Variants in BRD4 observed in about 807,000 individuals in gnomAD.
BRD4 encodes bromodomain-containing protein 4.
In BRD4, 16 loss-of-function variants were observed where a neutral mutation model predicts 142.1. That is an observed-to-expected ratio of 0.11 (90% CI 0.08 to 0.17). The LOEUF is 0.17. Ranked by LOEUF, BRD4 falls within the 10% of genes least tolerant of loss-of-function variation. The probability of loss-of-function intolerance (pLI) is 1.00; values close to 1 mark genes in which losing one functional copy is unlikely to be tolerated. For missense variants in BRD4, 1,424 were observed against 1,810.9 expected (o/e 0.79, Z 3.88); for synonymous variants, 833 against 707.5 (o/e 1.18, Z -2.82).
chr19:15,315,082 T>A (rs143786814), intron 1 of BRD4, among the ~76,000 whole-genome samples: 1 of 152,294 alleles, frequency 6.6e-6, no homozygotes, highest in East Asian at 1.9e-4. Flanking sequence ...TTGTGTACTT[T>A]TCAACTAGCT....
At chr19:15,316,155 CAAA>C (rs980486654) in intron 1 of BRD4, among the ~76,000 whole-genome samples, 14 of 33,058 alleles carry the variant, frequency 4.2e-4, no homozygotes, top group South Asian at 1.9e-3. Context: ...GACACCGTCT[CAAA>C]AAAAAAAAAA....
intron 11 of BRD4, 176 bp from the exon 12 acceptor site, chr19:15,244,938 C>G (rs550335942): frequency 1.7e-6 from 2 of 1,146,440 alleles, no homozygotes; most frequent in South Asian, 3.1e-5. Flanking sequence ...GAGAGACATG[C>G]GAGGCATCAC....
chr19:15,255,629 C>T lies in BRD4; in HGVS notation c.1752-37G>A, dbSNP rs79318894. On this transcript the variant is annotated intron_variant, in intron 9 of 19. Transcript: ENST00000679869. ...CGATGCAGACACCATCAAGAACGGG[C>T]CCCCTGAGGAAGCCAGGCACTCATT... is the stretch of plus-strand genomic sequence containing the variant. 20 of 1,555,820 alleles carry T rather than the reference C, an allele frequency of 1.3e-5. No homozygotes were observed. The African/African-American group carries it at 2.2e-4, about 17-fold the overall frequency.
At chr19:15,293,609 G>A (rs973887495) in intron 1 of BRD4, among the ~76,000 whole-genome samples, 1 of 152,200 alleles carries the variant, frequency 6.6e-6, no homozygotes, top group Non-Finnish European at 1.5e-5. Flanking sequence ...CCAAGCTAGC[G>A]ACCCGGAAGG....
At chr19:15,317,076 G>C (rs2048023702) in intron 1 of BRD4, among the ~76,000 whole-genome samples, 1 of 152,168 alleles carries the variant, frequency 6.6e-6, no homozygotes, top group African/African-American at 2.4e-5. Context: ...GACTCCCACA[G>C]CTTATGCCAC....
Position 15,238,231 on chromosome 19 carries a change from G to A in BRD4, c.*146C>T, listed in dbSNP as rs995194192. On this transcript the variant is annotated 3_prime_UTR_variant, in exon 20 of 20. Coordinates refer to ENST00000679869, the MANE Select transcript of BRD4 (RefSeq NM_001379291.1). This position sits in a 1 kb window ranked among gnomAD's most constrained non-coding sequence, Gnocchi z 7.2. ...CAGGCTCTGCAATCCTCAGCTGCCC[G>A]TCAGGCCTGCCCCGGGCATAGCATG... 3.0e-5 allele frequency: 41 copies of A among 1,361,146 alleles called. No individual in the cohort carries two copies. The East Asian group carries it at 6.5e-4, about 22-fold the overall frequency. The allele number at this position is 1,361,146 out of a possible 1,614,324, so 84.3% of individuals were successfully genotyped here. A position where few individuals can be genotyped will look rare whatever the true frequency, so the allele number is the denominator to read the frequency against.
intron 1 of BRD4, among the ~76,000 whole-genome samples, chr19:15,284,104 G>A (rs2047724115): frequency 6.6e-6 from 1 of 152,164 alleles, no homozygotes; most frequent in South Asian, 2.1e-4. Context: ...TTTCTTCAAT[G>A]ATATTACCCT....
chr19:15,240,147 A>G, intron 14 of BRD4, 125 bp from the exon 15 acceptor site: 6 of 1,382,748 alleles, frequency 4.3e-6, no homozygotes, highest in Non-Finnish European at 4.8e-6. Flanking sequence ...CCCTGGGACA[A>G]GGGTCCATTA....
At chr19:15,277,597 C>T (rs2047661016) in intron 1 of BRD4, among the ~76,000 whole-genome samples, 2 of 136,992 alleles carry the variant, frequency 1.5e-5, no homozygotes. Context: ...GCCTGGCCAA[C>T]ACAGTGCAAC....
intron 1 of BRD4, among the ~76,000 whole-genome samples, chr19:15,331,279 T>C (rs1471202499): frequency 6.6e-6 from 1 of 152,156 alleles, no homozygotes; most frequent in Non-Finnish European, 1.5e-5. Flanking sequence ...GAGTGGGGTT[T>C]CCCATCTTCA....
At position 15,256,160 on chromosome 19, in the gene BRD4, T is replaced by C. The variant is rs2047406591; in HGVS notation, c.1655A>G (p.Lys552Arg). 1 of 1,612,316 alleles carries C rather than the reference T, an allele frequency of 6.2e-7. No homozygotes were observed. The highest frequency in any genetic ancestry group is 1.3e-5 in the African/African-American group (1 of 74,846). ...ATTCTCTTCCACTTCCTCTTTCCTT[T>C]TGTGCTTTTCTTTTTTCTTTTCCTT... Reference protein sequence around the residue: ...DKKEKKKEKHKRKEEVEENKK... With the variant: ...DKKEKKKEKHRRKEEVEENKK... Residue 552 changes from lysine (K) to arginine (R), a missense_variant, in exon 9 of 20, where the codon AAA (lysine) becomes AGA (arginine). Physicochemically the swap from Lys to Arg is conservative, Grantham distance 26. Coordinates refer to ENST00000679869, the MANE Select transcript of BRD4 (RefSeq NM_001379291.1).
At chr19:15,286,830 C>T (rs576772756) in intron 1 of BRD4, among the ~76,000 whole-genome samples, 12 of 152,284 alleles carry the variant, frequency 7.9e-5, no homozygotes, top group East Asian at 5.8e-4. Context: ...TTCATTTCCT[C>T]GGTAGCACTA....
intron 1 of BRD4, among the ~76,000 whole-genome samples, chr19:15,276,264 G>A (rs1218099232): frequency 6.6e-6 from 1 of 152,204 alleles, no homozygotes; most frequent in Non-Finnish European, 1.5e-5. Context: ...AAGAAAGAGA[G>A]GTACAGTGAG....
In BRD4 at chr19:15,237,323, T is replaced by C; in HGVS notation, c.*1054A>G. On this transcript the variant is annotated 3_prime_UTR_variant, in exon 20 of 20. Transcript: ENST00000679869. ...ATAATTAAAAATAGACTAATAAAGT[T>C]TGAAACTGAGTAAAATATAGGCAGG... 2 of 218,510 alleles carry C rather than the reference T, an allele frequency of 9.2e-6. No individual in the cohort carries two copies. The highest frequency in any genetic ancestry group is 1.8e-5 in the Non-Finnish European group (2 of 110,084). The allele number at this position is 218,510 out of a possible 1,614,324, so 13.5% of individuals were successfully genotyped here. A position where few individuals can be genotyped will look rare whatever the true frequency, so the allele number is the denominator to read the frequency against.
chr19:15,255,137 A>G (rs143697325), intron 10 of BRD4, among the ~76,000 whole-genome samples, 160 bp downstream of exon 10: 62 of 149,958 alleles, frequency 4.1e-4, no homozygotes, highest in Non-Finnish European at 6.8e-4. Context: ...GGTGAGTGCA[A>G]TGTCACAACC....
At chr19:15,256,868 G>C (rs932616848) in intron 8 of BRD4, 96 bp downstream of exon 8, 2 of 1,134,026 alleles carry the variant, frequency 1.8e-6, no homozygotes, top group African/African-American at 3.1e-5. Flanking sequence ...GCTCCCTTGG[G>C]AACTCAGAAC....
Position 15,239,928 on chromosome 19 carries a change from G to C in BRD4, c.3264C>G (p.Asn1088Lys). 1 of 1,614,108 alleles carries C rather than the reference G, an allele frequency of 6.2e-7. No individual in the cohort carries two copies. Among genetic ancestry groups the C allele is most frequent in the Non-Finnish European group, 8.5e-7 (1 of 1,180,026 alleles). The change falls in exon 15 of 20, where the codon AAC (asparagine) becomes AAG (lysine). Residue 1088 changes from asparagine to lysine, a missense_variant. This residue lies in a region of BRD4 where 598 missense variants were observed against 647.8 expected (regional missense o/e 0.92). Transcript: ENST00000679869. This position sits in a 1 kb window ranked among gnomAD's most constrained non-coding sequence, Gnocchi z 7.4. ...SLTHQSPPQQ[N>K]VQPKKQELRA... is the part of the protein sequence containing the mutation. Reference sequence around the variant, plus strand: ...CAGTTACCTGTTTCTTAGGCTGGACGTTTTGCTGGGGTGGAGACTGGTGGG... The same window carrying C: ...CAGTTACCTGTTTCTTAGGCTGGACCTTTTGCTGGGGTGGAGACTGGTGGG...
chr19:15,302,897 A>C (rs2047882738), intron 1 of BRD4, among the ~76,000 whole-genome samples: 1 of 150,286 alleles, frequency 6.7e-6, no homozygotes, highest in South Asian at 2.1e-4. Context: ...AGTCCCAGCT[A>C]CTTGAGAGGC....
intron 1 of BRD4, among the ~76,000 whole-genome samples, chr19:15,279,980 TAGC>T (rs1485657281): frequency 6.6e-6 from 1 of 152,160 alleles, no homozygotes; most frequent in Non-Finnish European, 1.5e-5. Context: ...AAACCACACT[TAGC>T]AGAGCTTTAT....
Sources: allele counts gnomAD v4.1 joint callset (sites outside exome capture counted in the v4.1 genomes callset), GRCh38; gene constraint gnomAD v4.1.1; regional missense constraint gnomAD v4.1.1; non-coding constraint Gnocchi (gnomAD v3.1); transcripts MANE v1.5; gene names NCBI Gene and HGNC (gene_info 2026-07-23, HGNC 2026-07-21).